PDE4D: variants seen among roughly 807,000 people sequenced by gnomAD.
The protein encoded by PDE4D is 3',5'-cyclic-AMP phosphodiesterase 4D.
A neutral mutation model predicts 87.4 loss-of-function variants in PDE4D; 24 were observed. That is an observed-to-expected ratio of 0.27 (90% CI 0.20 to 0.39). PDE4D has a LOEUF of 0.39. Ranked by LOEUF, PDE4D falls within the 10% of genes least tolerant of loss-of-function variation. PDE4D has a pLI of 1.00. For synonymous variants in PDE4D, 384 were observed against 383.2 expected (o/e 1.00, Z -0.02); for missense variants, 714 against 1,041.0 (o/e 0.69, Z 4.32).
At chr5:59,743,691 A>G (rs1759188799) in intron 1 of PDE4D, among the ~76,000 whole-genome samples, 1 of 152,162 alleles carries the variant, frequency 6.6e-6, no homozygotes, top group Non-Finnish European at 1.5e-5. Context: ...AATTAAAAGC[A>G]GGCTCTTAAA....
intron 1 of PDE4D, among the ~76,000 whole-genome samples, chr5:60,239,673 T>C (rs1422309062): frequency 6.6e-6 from 1 of 152,134 alleles, no homozygotes; most frequent in Non-Finnish European, 1.5e-5. Context: ...TATTACTACA[T>C]GTTTCTAATT....
At chr5:59,269,754 C>T (rs1407347494) in intron 1 of PDE4D, among the ~76,000 whole-genome samples, 6 of 151,890 alleles carry the variant, frequency 4.0e-5, no homozygotes, top group Non-Finnish European at 7.4e-5. Flanking sequence ...ATATTTCACA[C>T]ATATCTATGT....
intron 1 of PDE4D, among the ~76,000 whole-genome samples, chr5:59,337,082 T>A (rs1777792166): frequency 6.6e-6 from 1 of 152,092 alleles, no homozygotes; most frequent in Non-Finnish European, 1.5e-5. Flanking sequence ...TTGGCTTTGA[T>A]GAGGAAAAGT....
At chr5:59,046,167 A>G (rs901222739) in intron 5 of PDE4D, among the ~76,000 whole-genome samples, 12 of 152,196 alleles carry the variant, frequency 7.9e-5, no homozygotes, top group Admixed American at 5.9e-4. Context: ...GCTATTTATG[A>G]CAGAAGGTGA....
chr5:60,401,313 A>G (rs1741063043), intron 1 of PDE4D, among the ~76,000 whole-genome samples: 1 of 152,226 alleles, frequency 6.6e-6, no homozygotes, highest in Non-Finnish European at 1.5e-5. Flanking sequence ...TTTTGATGAC[A>G]TGATATAAAG....
chr5:59,604,189 C>CTTATTACCACTTTAT (rs1402432352), intron 1 of PDE4D, among the ~76,000 whole-genome samples: 1 of 149,168 alleles, frequency 6.7e-6, no homozygotes, highest in Admixed American at 6.7e-5. Context: ...ACCTGAGTCT[C>CTTATTACCACTTTAT]TTATTACCAC....
At chr5:59,989,111 TATATAC>T (rs1246464196) in intron 2 of PDE4D, among the ~76,000 whole-genome samples, 6 of 97,722 alleles carry the variant, frequency 6.1e-5, no homozygotes, top group African/African-American at 1.8e-4. Context: ...TATATATATA[TATATAC>T]ACACACACAC....
At chr5:59,632,315 G>C (rs1831678493) in intron 1 of PDE4D, among the ~76,000 whole-genome samples, 1 of 152,174 alleles carries the variant, frequency 6.6e-6, no homozygotes, top group African/African-American at 2.4e-5. Flanking sequence ...TTTGGGCACA[G>C]CTTCAGCAGA....
chr5:60,222,702 G>A (rs902332188), intron 1 of PDE4D, among the ~76,000 whole-genome samples: 2 of 151,940 alleles, frequency 1.3e-5, no homozygotes, highest in Non-Finnish European at 2.9e-5. Flanking sequence ...ATCTCAATGA[G>A]GTTTAAATTT....
At chr5:60,439,493 A>C (rs965323054) in intron 1 of PDE4D, among the ~76,000 whole-genome samples, 1 of 152,130 alleles carries the variant, frequency 6.6e-6, no homozygotes, top group Non-Finnish European at 1.5e-5. Flanking sequence ...AAATGGCATC[A>C]GAGTTTTGTA....
intron 1 of PDE4D, among the ~76,000 whole-genome samples, chr5:59,676,433 C>T (rs1457518841): frequency 6.6e-6 from 1 of 152,130 alleles, no homozygotes; most frequent in Non-Finnish European, 1.5e-5. Context: ...TATCCAAGCA[C>T]ATGTTTGGGA....
chr5:59,877,281 A>C (rs1748732578), intron 1 of PDE4D, among the ~76,000 whole-genome samples: 1 of 152,172 alleles, frequency 6.6e-6, no homozygotes, highest in Admixed American at 6.5e-5. Flanking sequence ...TGTGATTAAC[A>C]GATTATTATG....
At chr5:59,962,556 C>T (rs1361608548) in intron 3 of PDE4D, among the ~76,000 whole-genome samples, 4 of 124,494 alleles carry the variant, frequency 3.2e-5, no homozygotes, top group Admixed American at 1.6e-4. Context: ...AATTTGATAA[C>T]AATGTTAAGA....
chr5:60,101,008 T>C (rs190444501), intron 2 of PDE4D, among the ~76,000 whole-genome samples: 1 of 152,078 alleles, frequency 6.6e-6, no homozygotes, highest in Non-Finnish European at 1.5e-5. Flanking sequence ...AAGAACAAAA[T>C]GATCATGTTC....
chr5:59,418,435 A>G (rs1793962566), intron 1 of PDE4D, among the ~76,000 whole-genome samples: 1 of 152,092 alleles, frequency 6.6e-6, no homozygotes, highest in East Asian at 1.9e-4. Context: ...TTCATCTTCA[A>G]CTCTGCATAA....
At chr5:59,316,778 GCA>G (rs1342621889) in intron 1 of PDE4D, among the ~76,000 whole-genome samples, 1 of 152,136 alleles carries the variant, frequency 6.6e-6, no homozygotes, top group East Asian at 1.9e-4. Context: ...GTGAAACATG[GCA>G]CAGTGACTAG....
At chr5:59,027,728 A>T (rs1756504783) in intron 6 of PDE4D, among the ~76,000 whole-genome samples, 1 of 151,952 alleles carries the variant, frequency 6.6e-6, no homozygotes, top group Non-Finnish European at 1.5e-5. Context: ...ACTTTTTGGC[A>T]CTACAAGATG....
chr5:59,726,822 T>A (rs1039593341), intron 1 of PDE4D, among the ~76,000 whole-genome samples: 1 of 152,120 alleles, frequency 6.6e-6, no homozygotes, highest in African/African-American at 2.4e-5. Context: ...TACACTTGCA[T>A]ACATATATGT....
Position 59,571,312 on chromosome 5 carries a change from G to A in PDE4D, c.455+321856C>T, listed in dbSNP as rs1296502566. On this transcript the variant is annotated intron_variant, in intron 1 of 14. Transcript: ENST00000340635. Reference sequence around the variant, plus strand: ...GAGCACTTAGCAATGATGAATTGGTGTGAAGACTCAGGTACTGAAAGGTCA... The same window carrying A: ...GAGCACTTAGCAATGATGAATTGGTATGAAGACTCAGGTACTGAAAGGTCA... Among the ~76,000 whole-genome samples, 3 of 152,214 alleles carry A rather than the reference G, an allele frequency of 2.0e-5. No individual in the cohort carries two copies. In the East Asian group the frequency reaches 5.8e-4, roughly 29 times the overall value.
Sources: allele counts gnomAD v4.1 joint callset (sites outside exome capture counted in the v4.1 genomes callset), GRCh38; gene constraint gnomAD v4.1.1; transcripts MANE v1.5; gene names NCBI Gene and HGNC (gene_info 2026-07-23, HGNC 2026-07-21).